The following DDX3X variants were observed in gnomAD, a reference collection of about 807,000 sequenced individuals.
The protein encoded by DDX3X is ATP-dependent RNA helicase DDX3X.
In DDX3X, 4 loss-of-function variants were observed where a neutral mutation model predicts 52.7. That is an observed-to-expected ratio of 0.08 (90% CI 0.04 to 0.17). The LOEUF (loss-of-function observed/expected upper bound fraction) is 0.17, where lower values mean the gene tolerates loss of function less well. Ranked by LOEUF, DDX3X falls within the 10% of genes least tolerant of loss-of-function variation. DDX3X has a pLI of 1.00. For synonymous variants in DDX3X, 192 were observed against 178.1 expected, an observed-to-expected ratio of 1.08 and a Z score of -0.62; for missense variants, 222 against 548.6, an observed-to-expected ratio of 0.40 and a Z score of 5.95.
downstream of DDX3X, chrX:41,350,987 CATG>C (rs1488627721): frequency 1.8e-5 from 2 of 111,940 alleles, no homozygotes; most frequent in Admixed American, 9.5e-5. Flanking sequence ...TCTTTCCAGT[CATG>C]AACTCAAAAT....
chrX:41,350,909 C>T (rs970979885), downstream of DDX3X: 1 of 111,889 alleles, frequency 8.9e-6, no homozygotes, highest in African/African-American at 3.3e-5. Context: ...GCTTTTGTTT[C>T]AGTAAGTTGA....
upstream of DDX3X, chrX:41,333,967 C>T (rs1425586556): frequency 2.7e-5 from 8 of 300,501 alleles, no homozygotes; most frequent in East Asian, 4.2e-4. Flanking sequence ...ACCCTAAGCT[C>T]CAAGGCAGGA....
In DDX3X at chrX:41,345,333, T is replaced by A. The variant is rs760539609; in HGVS notation, c.1170+9T>A. ...TTCCTAAGGAAATACAGGTACTGTT[T>A]GATGTTGCAAATTTTATTTATTTAG... On this transcript the variant is annotated intron_variant, in intron 11 of 16. Coordinates refer to ENST00000644876, the MANE Select transcript of DDX3X (RefSeq NM_001356.5). 3 of 1,203,367 alleles carry A rather than the reference T, an allele frequency of 2.5e-6. No homozygotes were observed. Among genetic ancestry groups the A allele is most frequent in the South Asian group, 3.7e-5 (2 of 54,647 alleles).
chrX:41,360,742 C>G (rs1420326423), intron 5 of DDX3X, among the ~76,000 whole-genome samples: 1 of 111,042 alleles, frequency 9.0e-6, no homozygotes, highest in African/African-American at 3.3e-5. Context: ...CACACCCAGC[C>G]TAGTGCCTCT....
intron 10 of DDX3X, 50 bp downstream of exon 10, chrX:41,344,449 T>C: frequency 8.4e-7 from 1 of 1,194,454 alleles, no homozygotes; most frequent in Non-Finnish European, 1.1e-6. Context: ...TTTTGTTCTT[T>C]TGTTTTTGGC....
In DDX3X at chrX:41,342,572, G is replaced by T. The variant is rs1057519446; in HGVS notation, c.362G>T (p.Arg121Leu). The change falls in exon 5 of 17, where the codon CGT (arginine) becomes CTT (leucine). Residue 121 changes from arginine (R) to leucine (L), a missense_variant. By Grantham distance (102) the Arg-to-Leu change is moderately radical. Around this residue, in one of 5 missense-constraint regions of DDX3X, gnomAD observed 93 missense variants for 123.7 expected, o/e 0.75. Transcript: ENST00000644876. ...GDRSGFGKFE[R>L]GGNSRWCDKS... ...AGAAGTGGCTTTGGCAAATTTGAACGTGGTGGAAACAGTCGCTGGTGTGAC... is the reference window on the plus strand; with the variant it reads ...AGAAGTGGCTTTGGCAAATTTGAACTTGGTGGAAACAGTCGCTGGTGTGAC... The T allele has an allele frequency of 2.5e-6, 3 of 1,211,944 alleles. No homozygotes were observed. The highest frequency in any genetic ancestry group is 2.2e-5 in the Admixed American group (1 of 46,066).
chrX:41,338,860 G>A (rs2063807601), intron 2 of DDX3X, 176 bp from the exon 3 acceptor site: 1 of 173,325 alleles, frequency 5.8e-6, no homozygotes, highest in African/African-American at 3.1e-5. Context: ...TCCTTATGAA[G>A]CAGTAACCCA....
chrX:41,362,875 G>A (rs2064034845), intron 5 of DDX3X, among the ~76,000 whole-genome samples: 1 of 111,341 alleles, frequency 9.0e-6, no homozygotes, highest in African/African-American at 3.3e-5. Context: ...CGCACTCCAG[G>A]TAGACACGTT....
rs934469659 is a variant in DDX3X at position 41,334,487 on chromosome X, T to C, written c.45+190T>C. On this transcript the variant is annotated intron_variant, in intron 1 of 16. Transcript: ENST00000644876. ...TTGGGGCTGTCGCCCGGGCCCGGTCTCGGCCCGCTGTATTGTCCCCGGGAC... is the reference window on the plus strand; with the variant it reads ...TTGGGGCTGTCGCCCGGGCCCGGTCCCGGCCCGCTGTATTGTCCCCGGGAC... 7 of 1,096,404 alleles carry C rather than the reference T, an allele frequency of 6.4e-6. No individual in the cohort carries two copies. The African/African-American group carries it at 9.2e-5, about 14-fold the overall frequency. The allele number at this position is 1,096,404 out of a possible 1,213,427, so 90.4% of individuals were successfully genotyped here. A position where few individuals can be genotyped will look rare whatever the true frequency, so the allele number is the denominator to read the frequency against.
chrX:41,334,816 G>T (rs1279125053), intron 1 of DDX3X: 1 of 878,089 alleles, frequency 1.1e-6, no homozygotes, highest in Admixed American at 4.3e-5. Flanking sequence ...TTCGCTCGGG[G>T]TAATGGCGGC....
At chrX:41,333,885 C>A (rs1451752423), upstream of DDX3X, 3 of 166,492 alleles carry the variant, frequency 1.8e-5, no homozygotes, top group Non-Finnish European at 2.3e-5. Flanking sequence ...CTCGAGAACT[C>A]CGAGGCTGAG....
At chrX:41,341,705 A>G in intron 4 of DDX3X, 89 bp downstream of exon 4, 2 of 915,668 alleles carry the variant, frequency 2.2e-6, no homozygotes, top group Non-Finnish European at 1.5e-6. Context: ...GTTAAGCATT[A>G]TGTCTGTTTG....
Position 41,343,332 on chromosome X carries a change from G to A in DDX3X, c.660G>A (p.Leu220=). Residue 220 remains leucine (L), a synonymous_variant, in exon 7 of 17, where the codon TTG becomes TTA. Transcript: ENST00000644876. The part of the protein sequence containing the change: ...AIPIIKEKRD[L]MACAQTGSGK... ...CTATTATCAAAGAGAAAAGAGACTTGATGGCTTGTGCCCAAACAGGTAAGC... is the reference window on the plus strand; with the variant it reads ...CTATTATCAAAGAGAAAAGAGACTTAATGGCTTGTGCCCAAACAGGTAAGC... 1 of 1,203,343 alleles carries A rather than the reference G, an allele frequency of 8.3e-7. No individual in the cohort carries two copies. Among genetic ancestry groups the A allele is most frequent in the Non-Finnish European group, 1.1e-6 (1 of 893,232 alleles).
At chrX:41,355,666 A>C (rs1450200197) in intron 5 of DDX3X, among the ~76,000 whole-genome samples, 3 of 85,520 alleles carry the variant, frequency 3.5e-5, no homozygotes, top group Non-Finnish European at 6.6e-5. Context: ...TTTTTTTGAG[A>C]TGTGGTCTCA....
At chrX:41,346,116 G>A (rs780491930) in intron 12 of DDX3X, 113 bp from the exon 13 acceptor site, 35 of 654,450 alleles carry the variant, frequency 5.3e-5, no homozygotes, top group Non-Finnish European at 7.5e-5. Flanking sequence ...TTGAAAGCCC[G>A]TTTTTAAGAA....
chrX:41,334,321 G>C (rs201760258), intron 1 of DDX3X, 24 bp downstream of exon 1: 186 of 1,205,559 alleles, frequency 1.5e-4, no homozygotes, highest in Middle Eastern at 4.8e-4. Context: ...ACCCCACCGG[G>C]CTGGCTGCTG....
intron 6 of DDX3X, 61 bp from the exon 7 acceptor site, chrX:41,343,155 A>G (rs780055981): frequency 6.9e-5 from 78 of 1,131,170 alleles, no homozygotes; most frequent in Non-Finnish European, 8.4e-5. Flanking sequence ...TGTTTCCATT[A>G]TTAGTATAAA....
chrX:41,347,785 A>T lies in DDX3X; in HGVS notation c.*66A>T. ...TGGAAACCACATGTAACTTAGCCAG[A>T]CTATACCTTGTGTAGCTTCAAGAAC... is the stretch of plus-strand genomic sequence containing the variant. On this transcript the variant is annotated 3_prime_UTR_variant, in exon 17 of 17. Coordinates refer to ENST00000644876, the MANE Select transcript of DDX3X (RefSeq NM_001356.5). The T allele has an allele frequency of 1.3e-6, 1 of 744,483 alleles. No individual in the cohort carries two copies. Among genetic ancestry groups the T allele is most frequent in the Admixed American group, 3.2e-5 (1 of 31,489 alleles). The allele number at this position is 744,483 out of a possible 1,213,427, so 61.4% of individuals were successfully genotyped here.
intron 5 of DDX3X, among the ~76,000 whole-genome samples, chrX:41,361,284 G>A (rs2064028860): frequency 9.1e-6 from 1 of 109,588 alleles, no homozygotes; most frequent in African/African-American, 3.3e-5. Flanking sequence ...AGGCCAAGGC[G>A]GGTGGGTCAT....
Sources: allele counts gnomAD v4.1 joint callset (sites outside exome capture counted in the v4.1 genomes callset), GRCh38; gene constraint gnomAD v4.1.1; regional missense constraint gnomAD v4.1.1; transcripts MANE v1.5; gene names NCBI Gene and HGNC (gene_info 2026-07-23, HGNC 2026-07-21).